The following HSPA12A variants were observed in gnomAD, a reference collection of about 807,000 sequenced individuals.
HSPA12A encodes heat shock protein family A (Hsp70) member 12A.
Under a neutral mutation model 69.2 loss-of-function variants are expected in HSPA12A, and 28 were observed. The ratio of observed to expected loss-of-function variants is 0.40; its 90% CI spans 0.30 to 0.55. The LOEUF (loss-of-function observed/expected upper bound fraction) is 0.55. Ranked by LOEUF, HSPA12A falls within the 20% of genes least tolerant of loss-of-function variation. The pLI is 0.38. For synonymous variants in HSPA12A, 345 were observed against 370.5 expected (o/e 0.93, Z 0.79); for missense variants, 686 against 900.7 (o/e 0.76, Z 3.05).
intron 2 of HSPA12A, among the ~76,000 whole-genome samples, chr10:116,799,157 C>T (rs1844901677): frequency 6.6e-6 from 1 of 152,126 alleles, no homozygotes; most frequent in Admixed American, 6.5e-5. Flanking sequence ...CTGGCTTTGC[C>T]CTGATCCTCA....
intron 5 of HSPA12A, among the ~76,000 whole-genome samples, chr10:116,694,365 C>G (rs1368204725): frequency 6.6e-6 from 1 of 152,190 alleles, no homozygotes; most frequent in Non-Finnish European, 1.5e-5. Context: ...CTAGCTCCTC[C>G]TATACATCAA....
chr10:116,835,873 T>G (rs912554871), intron 1 of HSPA12A, among the ~76,000 whole-genome samples: 2 of 152,046 alleles, frequency 1.3e-5, no homozygotes, highest in Non-Finnish European at 2.9e-5. Context: ...CGGCGGTGTG[T>G]GGTGGTGAAT....
At chr10:116,739,487 C>T (rs1554886760) in intron 1 of HSPA12A, among the ~76,000 whole-genome samples, 1 of 152,092 alleles carries the variant, frequency 6.6e-6, no homozygotes, top group East Asian at 1.9e-4. Context: ...AACTGCCTGC[C>T]CACCATCCCT....
intron 2 of HSPA12A, among the ~76,000 whole-genome samples, chr10:116,792,613 C>CAAAAAAAAAAAAAAAAAAAAAAAAA (rs56344323): frequency 9.3e-6 from 1 of 107,984 alleles, no homozygotes; most frequent in African/African-American, 3.8e-5. Flanking sequence ...CTTGCATCTA[C>CAAAAAAAAAAAAAAAAAAAAAAAAA]AAAAAAAAAA....
chr10:116,679,848 T>C (rs1365208611), intron 9 of HSPA12A, 87 bp from the exon 10 acceptor site: 2 of 1,418,844 alleles, frequency 1.4e-6, no homozygotes, highest in Non-Finnish European at 1.9e-6. Context: ...CACCTGTTCA[T>C]CTCTGAGCCA....
chr10:116,707,481 A>G (rs1360575713), intron 1 of HSPA12A, among the ~76,000 whole-genome samples, 196 bp from the exon 2 acceptor site: 1 of 152,322 alleles, frequency 6.6e-6, no homozygotes, highest in South Asian at 2.1e-4. Flanking sequence ...GGTATTTAGA[A>G]TTCGACCAAA....
intron 2 of HSPA12A, chr10:116,750,058 T>A (rs781937493): frequency 6.2e-6 from 2 of 322,308 alleles, no homozygotes; most frequent in Non-Finnish European, 1.2e-5. Flanking sequence ...GGATGATCGC[T>A]CACATAACTA....
chr10:116,730,552 A>G (rs1316881721), intron 1 of HSPA12A, among the ~76,000 whole-genome samples: 4 of 152,208 alleles, frequency 2.6e-5, no homozygotes, highest in Non-Finnish European at 5.9e-5. Flanking sequence ...TGGCACCACG[A>G]TCTGAACCAA....
intron 1 of HSPA12A, among the ~76,000 whole-genome samples, chr10:116,839,813 G>A (rs755149704): frequency 5.5e-4 from 84 of 152,036 alleles, no homozygotes; most frequent in Non-Finnish European, 2.5e-4. Context: ...GACTGATCCT[G>A]ATGTGGCAGC....
At chr10:116,752,615 T>C (rs1424122712) in intron 2 of HSPA12A, among the ~76,000 whole-genome samples, 2 of 151,984 alleles carry the variant, frequency 1.3e-5, no homozygotes, top group African/African-American at 4.8e-5. Flanking sequence ...TACAAGAAAA[T>C]TTCACCTATC....
chr10:116,817,690 TC>T (rs1274530309), intron 2 of HSPA12A, among the ~76,000 whole-genome samples: 2 of 151,552 alleles, frequency 1.3e-5, no homozygotes, highest in Admixed American at 1.3e-4. Context: ...TCACCCAAAG[TC>T]CCCCAAAAAA....
intron 1 of HSPA12A, among the ~76,000 whole-genome samples, chr10:116,724,366 T>C (rs1554884746): frequency 6.6e-6 from 1 of 152,210 alleles, no homozygotes. Context: ...CTGTGAAACA[T>C]TGTTACATGT....
intron 1 of HSPA12A, among the ~76,000 whole-genome samples, chr10:116,724,067 C>G (rs1418136112): frequency 1.3e-5 from 2 of 152,202 alleles, no homozygotes; most frequent in Non-Finnish European, 2.9e-5. Flanking sequence ...GCACCTTGTA[C>G]AGAGCCCTGC....
intron 2 of HSPA12A, among the ~76,000 whole-genome samples, chr10:116,782,432 C>A (rs1554891903): frequency 6.6e-6 from 1 of 152,160 alleles, no homozygotes; most frequent in Non-Finnish European, 1.5e-5. Context: ...TTGTAACAAC[C>A]AAAATCGGGA....
At chr10:116,826,835 T>C (rs1197647835) in intron 2 of HSPA12A, among the ~76,000 whole-genome samples, 1 of 152,212 alleles carries the variant, frequency 6.6e-6, no homozygotes. Flanking sequence ...CTTGGATGTT[T>C]AATCTGTGCC....
intron 1 of HSPA12A, among the ~76,000 whole-genome samples, chr10:116,718,343 G>C (rs933425850): frequency 6.6e-6 from 1 of 152,114 alleles, no homozygotes; most frequent in Non-Finnish European, 1.5e-5. Flanking sequence ...GGTAAGGGTA[G>C]GGAAGGTGAA....
Position 116,679,634 on chromosome 10 carries a change from C to T in HSPA12A, c.1155G>A (p.Ala385=), listed in dbSNP as rs370721153. ...RPAAWVDLMI[A]FESRKRAAAP... ...CAGCCGCCCTTTTGCGAGACTCAAA[C>T]GCAATCATTAAGTCAACCCAGGCTG... Residue 385 remains alanine, a synonymous_variant, in exon 10 of 12, where the codon GCG becomes GCA. Coordinates refer to ENST00000369209, the MANE Select transcript of HSPA12A (RefSeq NM_025015.3). 641 of 1,614,114 alleles carry T rather than the reference C, an allele frequency of 4.0e-4. No individual in the cohort carries two copies. Among genetic ancestry groups the T allele is most frequent in the Non-Finnish European group, 5.1e-4 (597 of 1,180,050 alleles).
intron 2 of HSPA12A, among the ~76,000 whole-genome samples, chr10:116,760,606 G>C (rs1843947525): frequency 6.6e-6 from 1 of 152,160 alleles, no homozygotes; most frequent in Non-Finnish European, 1.5e-5. Flanking sequence ...AAGTCCCCAT[G>C]TACTTGCTCA....
chr10:116,788,704 T>C (rs1002778155), intron 2 of HSPA12A, among the ~76,000 whole-genome samples: 5 of 152,144 alleles, frequency 3.3e-5, no homozygotes, highest in Admixed American at 1.3e-4. Flanking sequence ...ATCTGCACAA[T>C]AATACATGCT....
Sources: allele counts gnomAD v4.1 joint callset (sites outside exome capture counted in the v4.1 genomes callset), GRCh38; gene constraint gnomAD v4.1.1; transcripts MANE v1.5; gene names NCBI Gene and HGNC (gene_info 2026-07-23, HGNC 2026-07-21).